Variants in SMAP1 observed in about 807,000 individuals in gnomAD.
The protein encoded by SMAP1 is small ArfGAP 1.
A neutral mutation model predicts 58.5 loss-of-function variants in SMAP1; 24 were observed. The ratio of observed to expected loss-of-function variants is 0.41; its 90% CI spans 0.30 to 0.58. The LOEUF (loss-of-function observed/expected upper bound fraction) is 0.58, where lower values mean the gene tolerates loss of function less well. SMAP1 is among the 20% of genes least tolerant of loss of function. The probability of loss-of-function intolerance (pLI) is 0.29; values close to 1 mark genes in which losing one functional copy is unlikely to be tolerated. For missense variants in SMAP1, 563 were observed against 566.3 expected (o/e 0.99, Z 0.06); for synonymous variants, 216 against 196.6 (o/e 1.10, Z -0.82).
chr6:70,690,589 C>T (rs994773167), intron 1 of SMAP1, among the ~76,000 whole-genome samples: 1 of 151,728 alleles, frequency 6.6e-6, no homozygotes, highest in Admixed American at 6.6e-5. Context: ...TACAGGCCAC[C>T]CGGCCGGTTT....
At chr6:70,808,301 A>G (rs1769225011) in intron 6 of SMAP1, among the ~76,000 whole-genome samples, 1 of 152,252 alleles carries the variant, frequency 6.6e-6, no homozygotes, top group Non-Finnish European at 1.5e-5. Flanking sequence ...GGAATCAGCA[A>G]ACTTTTTTCT....
chr6:70,820,434 G>A (rs762935593), intron 6 of SMAP1, among the ~76,000 whole-genome samples: 16 of 152,138 alleles, frequency 1.1e-4, no homozygotes, highest in Non-Finnish European at 2.1e-4. Context: ...TATTTAGGCC[G>A]GGTGCAATGG....
chr6:70,722,295 T>C (rs950903392), intron 1 of SMAP1, among the ~76,000 whole-genome samples: 4 of 152,248 alleles, frequency 2.6e-5, no homozygotes, highest in Non-Finnish European at 4.4e-5. Context: ...TAGGGAGTAG[T>C]AGAGAGCAAA....
At chr6:70,673,202 T>G (rs1389881661) in intron 1 of SMAP1, among the ~76,000 whole-genome samples, 1 of 152,194 alleles carries the variant, frequency 6.6e-6, no homozygotes, top group African/African-American at 2.4e-5. Flanking sequence ...CTGAACTGCT[T>G]TCAAGGCCAC....
intron 1 of SMAP1, among the ~76,000 whole-genome samples, chr6:70,711,257 A>G (rs921838279): frequency 2.6e-5 from 4 of 152,210 alleles, no homozygotes; most frequent in African/African-American, 9.6e-5. Context: ...TATCACAGAC[A>G]TGTTAGTAAT....
chr6:70,791,347 T>C (rs35711050), intron 4 of SMAP1, among the ~76,000 whole-genome samples: 3,574 of 152,330 alleles, frequency 0.023, 52 homozygotes, highest in Non-Finnish European at 0.037. Context: ...AGAGCATTTG[T>C]ATTTCAATAG....
chr6:70,670,015 A>G (rs1029296437), intron 1 of SMAP1, among the ~76,000 whole-genome samples: 1 of 151,946 alleles, frequency 6.6e-6, no homozygotes, highest in African/African-American at 2.4e-5. Flanking sequence ...TTCTTAAATT[A>G]GGATCAAAAG....
At chr6:70,755,463 A>G (rs1254432580) in intron 3 of SMAP1, among the ~76,000 whole-genome samples, 1 of 152,048 alleles carries the variant, frequency 6.6e-6, no homozygotes, top group Admixed American at 6.6e-5. Flanking sequence ...TGAGATATTC[A>G]ATACTTTATT....
At chr6:70,743,018 A>G (rs1345919834) in intron 2 of SMAP1, among the ~76,000 whole-genome samples, 1 of 152,218 alleles carries the variant, frequency 6.6e-6, no homozygotes, top group East Asian at 1.9e-4. Flanking sequence ...GCTACAATTC[A>G]AGATGAGATT....
rs577687446 is a variant in SMAP1 at position 70,714,106 on chromosome 6, C to T, written c.119-18272C>T. Among the ~76,000 whole-genome samples, 30 of 152,204 alleles carry T rather than the reference C, an allele frequency of 2.0e-4. 1 individual carries two copies. The South Asian group carries it at 5.8e-3, about 29-fold the overall frequency. ...CTATTCTTTTCTATTCCTTCACTTT[C>T]CACGTATGTGTGTCCTTGAATCTAA... On this transcript the variant is annotated intron_variant, in intron 1 of 10. Coordinates refer to ENST00000370455, the MANE Select transcript of SMAP1 (RefSeq NM_001044305.3).
At chr6:70,723,594 T>C (rs1442965758) in intron 1 of SMAP1, among the ~76,000 whole-genome samples, 6 of 152,222 alleles carry the variant, frequency 3.9e-5, no homozygotes, top group Non-Finnish European at 8.8e-5. Context: ...TTCACCACAC[T>C]GATACACTAT....
At chr6:70,820,880 CTTATTT>C (rs1769858328) in intron 6 of SMAP1, among the ~76,000 whole-genome samples, 1 of 152,028 alleles carries the variant, frequency 6.6e-6, no homozygotes, top group African/African-American at 2.4e-5. Flanking sequence ...CTTTTCGACT[CTTATTT>C]TTAAGTAGGC....
At chr6:70,793,644 TAG>T (rs70990334) in intron 5 of SMAP1, among the ~76,000 whole-genome samples, 4,583 of 139,696 alleles carry the variant, frequency 0.033, 179 homozygotes, top group African/African-American at 0.096. Context: ...GGAGAGTAGT[TAG>T]AGAGAGAGAG....
At chr6:70,743,952 T>TG (rs144241156) in intron 2 of SMAP1, among the ~76,000 whole-genome samples, 36,525 of 152,138 alleles carry the variant, frequency 0.24, 5,431 homozygotes, top group Non-Finnish European at 0.33. Flanking sequence ...AAATTTTTAA[T>TG]TTGAATGTGC....
rs374346401 is a variant in SMAP1, at chr6:70,711,590, C to T, written c.119-20788C>T. ...TCACCCAGGCTGGAGTGCATTGGCG[C>T]GATCTCTGCTCACTGTGACCTCCGC... On this transcript the variant is annotated intron_variant, in intron 1 of 10. Transcript: ENST00000370455. 7.3e-5 allele frequency among the ~76,000 whole-genome samples: 11 copies of T among 150,750 alleles called. No homozygotes were observed. The East Asian group carries it at 1.2e-3, about 16-fold the overall frequency.
chr6:70,723,338 C>G (rs1250989417), intron 1 of SMAP1, among the ~76,000 whole-genome samples: 2 of 152,118 alleles, frequency 1.3e-5, no homozygotes, highest in African/African-American at 4.8e-5. Context: ...TTAAGGAATC[C>G]CTCAATGTAT....
chr6:70,787,030 C>T (rs200371588), intron 4 of SMAP1, among the ~76,000 whole-genome samples: 33 of 152,246 alleles, frequency 2.2e-4, no homozygotes, highest in African/African-American at 6.3e-4. Context: ...GGAGGCATCA[C>T]GCTACCTGAC....
chr6:70,798,738 G>C lies in SMAP1; in HGVS notation c.576+1G>C. 3.9e-6 allele frequency: 6 copies of C among 1,545,764 alleles called. No homozygotes were observed. The highest frequency in any genetic ancestry group is 5.2e-6 in the Non-Finnish European group (6 of 1,148,104). ...GGCAAAACCACTTACAGCTGAAAAG[G>C]TAAAATTCTTTTTTTAAAAATAATC... On this transcript the variant is annotated splice_donor_variant, in intron 6 of 10. Transcript: ENST00000370455. LOFTEE classifies it high-confidence loss of function.
intron 2 of SMAP1, among the ~76,000 whole-genome samples, chr6:70,733,445 A>G (rs1003888488): frequency 2.6e-5 from 4 of 152,236 alleles, no homozygotes; most frequent in African/African-American, 9.6e-5. Context: ...AAAACATACT[A>G]GTTATATCAA....
Sources: allele counts gnomAD v4.1 joint callset (sites outside exome capture counted in the v4.1 genomes callset), GRCh38; gene constraint gnomAD v4.1.1; transcripts MANE v1.5; gene names NCBI Gene and HGNC (gene_info 2026-07-23, HGNC 2026-07-21).